PIK3C2A: variants seen among roughly 807,000 people sequenced by gnomAD.
PIK3C2A encodes the protein phosphatidylinositol 4-phosphate 3-kinase C2 domain-containing subunit alpha.
PIK3C2A carries 97 observed loss-of-function variants against 204.5 expected under a neutral mutation model. That is an observed-to-expected ratio of 0.47 (90% confidence interval 0.40 to 0.56). PIK3C2A has a LOEUF of 0.56. Among genes scored for constraint, PIK3C2A ranks in the 20% least tolerant of loss-of-function variants. The pLI is 0.00. For synonymous variants in PIK3C2A, 653 were observed against 664.4 expected (o/e 0.98, Z 0.26); for missense variants, 1,735 against 1,969.2 (o/e 0.88, Z 2.25).
chr11:17,148,545 A>G, intron 5 of PIK3C2A, 122 bp downstream of exon 5: 1 of 798,212 alleles, frequency 1.3e-6, no homozygotes, highest in Non-Finnish European at 1.9e-6. Flanking sequence ...TATTGATTCA[A>G]TAAATCAATT....
At chr11:17,178,100 A>AAAG (rs1555034903) in intron 1 of PIK3C2A, among the ~76,000 whole-genome samples, 1 of 99,162 alleles carries the variant, frequency 1.0e-5, no homozygotes, top group African/African-American at 4.0e-5. Flanking sequence ...CTCAAAAAAA[A>AAAG]AAAAAAAAAA....
chr11:17,146,161 A>G (rs1052193794), intron 6 of PIK3C2A, among the ~76,000 whole-genome samples: 2 of 152,228 alleles, frequency 1.3e-5, no homozygotes, highest in Admixed American at 1.3e-4. Context: ...TGGAAAACAT[A>G]AATGCTTTCA....
In PIK3C2A at chr11:17,155,622, G is replaced by T; in HGVS notation, c.1073C>A (p.Pro358Gln). 1 of 1,586,870 alleles carries T rather than the reference G, an allele frequency of 6.3e-7. No individual in the cohort carries two copies. Among genetic ancestry groups the T allele is most frequent in the Non-Finnish European group, 8.6e-7 (1 of 1,158,050 alleles). ...AGTTGGCAAACTACTGGTCCCATTT[G>T]GGTCTTTCTGTAATTAAAAAAGTGT... ...KAQGHISQKD[P>Q]NGTSSLPTGS... Residue 358 changes from proline to glutamine, a missense_variant, in exon 3 of 33, where the codon CCA becomes CAA. Pro to Gln is a moderately conservative substitution (Grantham distance 76). Transcript: ENST00000691414.
At chr11:17,114,562 T>C (rs1002356814) in intron 19 of PIK3C2A, 97 bp from the exon 20 acceptor site, 11 of 620,036 alleles carry the variant, frequency 1.8e-5, no homozygotes, top group Admixed American at 1.0e-4. Flanking sequence ...AAATGCCCAG[T>C]TGTCAAACGG....
At chr11:17,207,257 G>A (rs1852613157) in intron 1 of PIK3C2A, among the ~76,000 whole-genome samples, 1 of 152,128 alleles carries the variant, frequency 6.6e-6, no homozygotes, top group Admixed American at 6.5e-5. Flanking sequence ...AGGATGATGC[G>A]CTAAATACAC....
At position 17,091,467 on chromosome 11, in the gene PIK3C2A, G is replaced by A. The variant is rs747525208; in HGVS notation, c.4753-8C>T. ...AGCTCCATCTTCAGTAACCTAAAAA[G>A]AAAAGCAGTCCCTTAATAGTAATGC... is the stretch of plus-strand genomic sequence containing the variant. On this transcript the variant is annotated splice_polypyrimidine_tract_variant and splice_region_variant and intron_variant, in intron 31 of 32. Coordinates refer to ENST00000691414, the MANE Select transcript of PIK3C2A (RefSeq NM_002645.4). The A allele has an allele frequency of 1.9e-6, 3 of 1,611,164 alleles. No individual in the cohort carries two copies. The East Asian group carries it at 6.7e-5, about 36-fold the overall frequency.
At chr11:17,119,724 G>T (rs777126757) in intron 16 of PIK3C2A, 62 bp downstream of exon 16, 11 of 973,116 alleles carry the variant, frequency 1.1e-5, no homozygotes, top group Non-Finnish European at 1.5e-5. Flanking sequence ...AATACTTCTG[G>T]CAACATACCT....
intron 1 of PIK3C2A, among the ~76,000 whole-genome samples, chr11:17,188,330 G>A (rs1231205067): frequency 6.9e-6 from 1 of 145,636 alleles, no homozygotes; most frequent in Non-Finnish European, 1.5e-5. Context: ...GACAGAGTGA[G>A]ACCCTGTCTC....
At chr11:17,142,592 ATTGT>A (rs1398394888) in intron 8 of PIK3C2A, among the ~76,000 whole-genome samples, 1 of 152,162 alleles carries the variant, frequency 6.6e-6, no homozygotes, top group East Asian at 1.9e-4. Flanking sequence ...AAGCAAGATG[ATTGT>A]TTGAGCCCAG....
Position 17,163,412 on chromosome 11 carries a change from T to G in PIK3C2A, c.1065+5265A>C, listed in dbSNP as rs373873618. On this transcript the variant is annotated intron_variant, in intron 2 of 32. Coordinates refer to ENST00000691414, the MANE Select transcript of PIK3C2A (RefSeq NM_002645.4). ...GCCCTTACTATCAGTTATTCCTTTGTTTTTTAGACACAGGGTCTCATTCTG... is the reference window on the plus strand; with the variant it reads ...GCCCTTACTATCAGTTATTCCTTTGGTTTTTAGACACAGGGTCTCATTCTG... 1.7e-4 allele frequency among the ~76,000 whole-genome samples: 26 copies of G among 152,318 alleles called. No individual in the cohort carries two copies. The East Asian group carries it at 3.1e-3, about 18-fold the overall frequency.
At chr11:17,118,806 CAA>C (rs1253969586) in intron 17 of PIK3C2A, 67 bp from the exon 18 acceptor site, 3 of 741,026 alleles carry the variant, frequency 4.0e-6, no homozygotes, top group East Asian at 5.1e-5. Context: ...ATAAAACTAT[CAA>C]AAGAGAAACT....
intron 24 of PIK3C2A, among the ~76,000 whole-genome samples, chr11:17,101,880 G>A (rs1487655655): frequency 1.3e-5 from 2 of 151,916 alleles, no homozygotes; most frequent in African/African-American, 2.4e-5. Flanking sequence ...TGGGATTACA[G>A]GCGTGAGCCA....
chr11:17,120,503 A>T (rs1479097701), intron 15 of PIK3C2A, among the ~76,000 whole-genome samples: 1 of 151,622 alleles, frequency 6.6e-6, no homozygotes, highest in Non-Finnish European at 1.5e-5. Context: ...TATATATATA[A>T]ATATATATAT....
At chr11:17,135,071 G>C in intron 10 of PIK3C2A, 40 bp downstream of exon 10, 1 of 1,611,920 alleles carries the variant, frequency 6.2e-7, no homozygotes, top group Non-Finnish European at 8.5e-7. Flanking sequence ...CTCTGAAAAG[G>C]CGATGATTAT....
intron 1 of PIK3C2A, among the ~76,000 whole-genome samples, chr11:17,202,312 C>T (rs372617060): frequency 6.0e-5 from 9 of 149,004 alleles, no homozygotes; most frequent in African/African-American, 2.2e-4. Flanking sequence ...CTGGGGTGGA[C>T]GTGGTGGCTT....
chr11:17,167,005 C>T (rs1295025898), intron 2 of PIK3C2A, among the ~76,000 whole-genome samples: 1 of 152,024 alleles, frequency 6.6e-6, no homozygotes, highest in Admixed American at 6.6e-5. Context: ...GAGTCTTGCT[C>T]TGTCGCCCAG....
chr11:17,182,308 G>C (rs906869929), intron 1 of PIK3C2A, among the ~76,000 whole-genome samples: 2 of 151,792 alleles, frequency 1.3e-5, no homozygotes, highest in Non-Finnish European at 2.9e-5. Flanking sequence ...CTCTTGGCTG[G>C]GTGCAGTGAC....
intron 25 of PIK3C2A, among the ~76,000 whole-genome samples, chr11:17,100,381 C>CTT (rs914672020): frequency 6.9e-6 from 1 of 144,694 alleles, no homozygotes; most frequent in South Asian, 2.2e-4. Context: ...GCCTGGCGAA[C>CTT]TTTTTTTTTT....
chr11:17,195,626 C>A (rs1394004810), intron 1 of PIK3C2A, among the ~76,000 whole-genome samples: 2 of 151,896 alleles, frequency 1.3e-5, no homozygotes, highest in Non-Finnish European at 2.9e-5. Context: ...TGTCGTCGTC[C>A]CAGCTACTTA....
Sources: allele counts gnomAD v4.1 joint callset (sites outside exome capture counted in the v4.1 genomes callset), GRCh38; gene constraint gnomAD v4.1.1; transcripts MANE v1.5; gene names NCBI Gene and HGNC (gene_info 2026-07-23, HGNC 2026-07-21).